Variants in ZNRF2 observed in about 807,000 individuals in gnomAD.
The protein encoded by ZNRF2 is E3 ubiquitin-protein ligase ZNRF2.
Under a neutral mutation model 20.4 loss-of-function variants are expected in ZNRF2, and 16 were observed. The ratio of observed to expected loss-of-function variants is 0.79; its 90% CI spans 0.53 to 1.19. The LOEUF (loss-of-function observed/expected upper bound fraction) is 1.19. ZNRF2 is among the 50% of genes most tolerant of loss of function. The pLI is 0.00. For missense variants in ZNRF2, 363 were observed against 332.4 expected (o/e 1.09, Z -0.72); for synonymous variants, 178 against 144.9 (o/e 1.23, Z -1.64).
intron 2 of ZNRF2, among the ~76,000 whole-genome samples, chr7:30,347,666 T>C (rs936918518): frequency 6.6e-6 from 1 of 152,232 alleles, no homozygotes; most frequent in Admixed American, 6.5e-5. Flanking sequence ...TGAGCTGAGA[T>C]TGTACCACTG....
intron 1 of ZNRF2, among the ~76,000 whole-genome samples, chr7:30,310,469 C>T (rs376862131): frequency 6.6e-6 from 1 of 152,220 alleles, no homozygotes. Flanking sequence ...TCTCTGTTCC[C>T]TCTTTTTGTA....
chr7:30,339,015 A>C (rs555167518), intron 2 of ZNRF2, among the ~76,000 whole-genome samples: 42 of 152,354 alleles, frequency 2.8e-4, no homozygotes, highest in Middle Eastern at 6.8e-3. Context: ...CATTTCTCTT[A>C]TGACCAGTGA....
intron 1 of ZNRF2, among the ~76,000 whole-genome samples, chr7:30,309,004 AT>A (rs1272571332): frequency 6.6e-6 from 1 of 152,150 alleles, no homozygotes; most frequent in Non-Finnish European, 1.5e-5. Context: ...TCTCTGAATT[AT>A]TTTAAAGACA....
intron 1 of ZNRF2, among the ~76,000 whole-genome samples, chr7:30,294,962 G>C (rs1798983946): frequency 6.7e-6 from 1 of 148,810 alleles, no homozygotes; most frequent in African/African-American, 2.5e-5. Context: ...AATGCCCCTG[G>C]AGCTGAAATT....
At chr7:30,343,908 C>T (rs1028553862) in intron 2 of ZNRF2, among the ~76,000 whole-genome samples, 3 of 138,416 alleles carry the variant, frequency 2.2e-5, no homozygotes, top group African/African-American at 8.3e-5. Context: ...ACTGGGTGGC[C>T]AGCTTTTTTT....
intron 4 of ZNRF2, among the ~76,000 whole-genome samples, chr7:30,362,661 C>A (rs1289514184): frequency 2.0e-5 from 3 of 152,320 alleles, no homozygotes; most frequent in Non-Finnish European, 4.4e-5. Flanking sequence ...CGCCTGTAAT[C>A]CCAGCACTTT....
intron 1 of ZNRF2, among the ~76,000 whole-genome samples, chr7:30,288,490 A>G (rs1798838113): frequency 6.6e-6 from 1 of 152,244 alleles, no homozygotes; most frequent in African/African-American, 2.4e-5. Context: ...GAGTCTAGCA[A>G]GTGGAATTGT....
intron 3 of ZNRF2, among the ~76,000 whole-genome samples, chr7:30,356,956 T>C (rs1411458460): frequency 1.3e-5 from 2 of 152,122 alleles, no homozygotes; most frequent in Non-Finnish European, 2.9e-5. Context: ...GTGCCCGCCT[T>C]GGCCTCCCAA....
intron 1 of ZNRF2, among the ~76,000 whole-genome samples, chr7:30,307,756 A>G (rs1799232824): frequency 6.6e-6 from 1 of 152,112 alleles, no homozygotes. Context: ...TTTACCACCG[A>G]GCATAATGTT....
chr7:30,303,328 ATTAAT>A (rs1349249491), intron 1 of ZNRF2, among the ~76,000 whole-genome samples: 1 of 152,130 alleles, frequency 6.6e-6, no homozygotes, highest in Non-Finnish European at 1.5e-5. Context: ...TATCTCCCGA[ATTAAT>A]TTTATAGTAA....
chr7:30,290,416 G>A (rs1384396032), intron 1 of ZNRF2, among the ~76,000 whole-genome samples: 2 of 152,196 alleles, frequency 1.3e-5, no homozygotes, highest in Non-Finnish European at 2.9e-5. Flanking sequence ...TCAAAGTGTA[G>A]GTCAGGGCAG....
At chr7:30,361,737 A>G (rs942879940) in intron 3 of ZNRF2, among the ~76,000 whole-genome samples, 4 of 152,288 alleles carry the variant, frequency 2.6e-5, no homozygotes, top group Middle Eastern at 3.4e-3. Context: ...TATTTCAATA[A>G]ATCTTAAATA....
intron 1 of ZNRF2, among the ~76,000 whole-genome samples, chr7:30,301,988 C>T (rs1799124868): frequency 6.6e-6 from 1 of 152,072 alleles, no homozygotes; most frequent in Non-Finnish European, 1.5e-5. Flanking sequence ...CCCTGGTGTT[C>T]GCAAGGCAGT....
intron 1 of ZNRF2, among the ~76,000 whole-genome samples, chr7:30,292,223 A>G (rs557492473): frequency 1.3e-3 from 196 of 152,328 alleles, no homozygotes; most frequent in African/African-American, 4.4e-3. Flanking sequence ...GTTCTTGTTA[A>G]CATTCAGTGA....
chr7:30,320,558 G>A (rs78750586), intron 1 of ZNRF2, among the ~76,000 whole-genome samples: 5,989 of 151,930 alleles, frequency 0.039, 383 homozygotes, highest in African/African-American at 0.14. Flanking sequence ...TATTTTTCAG[G>A]GCTAGCAATA....
intron 2 of ZNRF2, among the ~76,000 whole-genome samples, chr7:30,333,803 CT>C (rs1418438528): frequency 6.6e-6 from 1 of 152,140 alleles, no homozygotes; most frequent in African/African-American, 2.4e-5. Context: ...TGTATGTCAT[CT>C]TTTGAGAAGT....
intron 1 of ZNRF2, among the ~76,000 whole-genome samples, chr7:30,286,287 G>C (rs1328061004): frequency 6.6e-6 from 1 of 152,158 alleles, no homozygotes; most frequent in Non-Finnish European, 1.5e-5. Flanking sequence ...TACCATGTTT[G>C]GACCGACTTT....
intron 2 of ZNRF2, among the ~76,000 whole-genome samples, chr7:30,355,463 T>G (rs1278600515): frequency 6.6e-6 from 1 of 152,148 alleles, no homozygotes; most frequent in African/African-American, 2.4e-5. Context: ...TCTGCCCAAT[T>G]TGGGTGATTC....
chr7:30,328,982 C>A (rs965309486), intron 2 of ZNRF2, among the ~76,000 whole-genome samples: 3 of 152,188 alleles, frequency 2.0e-5, no homozygotes, highest in African/African-American at 7.2e-5. Context: ...TTCCCTCTTT[C>A]ATGTGCTTCA....
Sources: allele counts gnomAD v4.1 joint callset (sites outside exome capture counted in the v4.1 genomes callset), GRCh38; gene constraint gnomAD v4.1.1; transcripts MANE v1.5; gene names NCBI Gene and HGNC (gene_info 2026-07-23, HGNC 2026-07-21).